Variants in PTPRD observed in about 807,000 individuals in gnomAD.
The protein encoded by PTPRD is receptor-type tyrosine-protein phosphatase delta.
A neutral mutation model predicts 214.5 loss-of-function variants in PTPRD; 34 were observed. The observed-to-expected ratio is 0.16, with a 90% CI of 0.12 to 0.21. The LOEUF (loss-of-function observed/expected upper bound fraction) is 0.21. Among genes scored for constraint, PTPRD ranks in the 10% least tolerant of loss-of-function variants. PTPRD has a pLI of 1.00. For missense variants in PTPRD, 2,545 were observed against 2,398.7 expected, an observed-to-expected ratio of 1.06 and a Z score of -1.27; for synonymous variants, 1,128 against 845.7, an observed-to-expected ratio of 1.33 and a Z score of -5.79.
At chr9:10,082,848 C>CAT (rs141037744) in intron 3 of PTPRD, among the ~76,000 whole-genome samples, 1 of 150,114 alleles carries the variant, frequency 6.7e-6, no homozygotes, top group African/African-American at 2.5e-5. Context: ...CAAACACACA[C>CAT]ACACACACAC....
At chr9:9,869,691 T>C (rs1431791356) in intron 5 of PTPRD, among the ~76,000 whole-genome samples, 1 of 151,938 alleles carries the variant, frequency 6.6e-6, no homozygotes, top group African/African-American at 2.4e-5. Context: ...ATGGTTTAAA[T>C]GTCATCAAGA....
chr9:10,094,539 C>CTTTTTTT (rs5896370), intron 3 of PTPRD, among the ~76,000 whole-genome samples: 3 of 121,152 alleles, frequency 2.5e-5, no homozygotes, highest in Non-Finnish European at 3.4e-5. Flanking sequence ...TTCTTTCTTT[C>CTTTTTTT]TTTTTTTTTT....
intron 11 of PTPRD, among the ~76,000 whole-genome samples, chr9:8,894,471 A>G (rs902446943): frequency 1.3e-5 from 2 of 151,902 alleles, no homozygotes; most frequent in Admixed American, 1.3e-4. Context: ...CATGATTTAT[A>G]TAAAAACAAA....
chr9:9,337,787 A>G (rs146170614), intron 9 of PTPRD, among the ~76,000 whole-genome samples: 4 of 152,304 alleles, frequency 2.6e-5, no homozygotes, highest in East Asian at 3.9e-4. Context: ...TGATAACTAT[A>G]TTATGAGTTA....
chr9:9,610,367 A>G (rs149651205), intron 7 of PTPRD, among the ~76,000 whole-genome samples: 3 of 152,354 alleles, frequency 2.0e-5, no homozygotes, highest in East Asian at 3.9e-4. Flanking sequence ...GAGTTATATT[A>G]TAAAGAGAAT....
At chr9:8,766,882 T>C (rs2094794776) in intron 11 of PTPRD, among the ~76,000 whole-genome samples, 1 of 152,224 alleles carries the variant, frequency 6.6e-6, no homozygotes, top group African/African-American at 2.4e-5. Context: ...CTCTTGTTTA[T>C]ATCAATTAGC....
chr9:9,475,555 G>A (rs1227194624), intron 8 of PTPRD, among the ~76,000 whole-genome samples: 4 of 152,058 alleles, frequency 2.6e-5, no homozygotes, highest in African/African-American at 9.7e-5. Context: ...AATGTCATCA[G>A]GACTCAAAAC....
At chr9:9,389,522 T>C (rs894879164) in intron 9 of PTPRD, among the ~76,000 whole-genome samples, 24 of 151,894 alleles carry the variant, frequency 1.6e-4, no homozygotes, top group Admixed American at 2.6e-4. Flanking sequence ...ATAATAATAA[T>C]AAAAAAACAT....
chr9:9,424,210 T>C (rs1317697947), intron 8 of PTPRD, among the ~76,000 whole-genome samples: 1 of 152,202 alleles, frequency 6.6e-6, no homozygotes, highest in Non-Finnish European at 1.5e-5. Context: ...CATCACAGTT[T>C]TACTTCTCTC....
intron 8 of PTPRD, among the ~76,000 whole-genome samples, chr9:9,426,808 A>G (rs751535675): frequency 1.9e-4 from 29 of 152,232 alleles, no homozygotes; most frequent in Non-Finnish European, 3.2e-4. Flanking sequence ...ACTGGAGTGG[A>G]CCTCCAGCAA....
chr9:8,346,009 TG>T (rs1485369493), intron 39 of PTPRD, among the ~76,000 whole-genome samples: 4 of 152,050 alleles, frequency 2.6e-5, no homozygotes, highest in Non-Finnish European at 4.4e-5. Context: ...TCAGCACAAG[TG>T]GAGATCTATA....
intron 7 of PTPRD, among the ~76,000 whole-genome samples, chr9:9,613,106 T>C (rs1235416763): frequency 1.6e-5 from 2 of 125,970 alleles, no homozygotes; most frequent in Non-Finnish European, 1.6e-5. Flanking sequence ...ACCATACATA[T>C]AATAGCTAGG....
At chr9:9,033,686 C>T (rs965464032) in intron 10 of PTPRD, among the ~76,000 whole-genome samples, 4 of 152,094 alleles carry the variant, frequency 2.6e-5, no homozygotes, top group Non-Finnish European at 5.9e-5. Context: ...CTCCCCTTCT[C>T]TTTCTCTGTC....
intron 2 of PTPRD, among the ~76,000 whole-genome samples, chr9:10,602,492 G>A (rs929601440): frequency 1.3e-5 from 2 of 151,738 alleles, no homozygotes; most frequent in Non-Finnish European, 2.9e-5. Flanking sequence ...ATTAAACCAT[G>A]AGTTATGTTG....
chr9:10,362,569 G>GTGA (rs113784370), intron 2 of PTPRD, among the ~76,000 whole-genome samples: 2 of 152,168 alleles, frequency 1.3e-5, no homozygotes, highest in African/African-American at 4.8e-5. Context: ...GCACAATCGA[G>GTGA]TGATAACAGC....
intron 5 of PTPRD, among the ~76,000 whole-genome samples, chr9:9,828,489 CG>C (rs1376243835): frequency 6.6e-6 from 1 of 151,814 alleles, no homozygotes; most frequent in Non-Finnish European, 1.5e-5. Context: ...CATCACACAC[CG>C]GGGTCTGTTG....
intron 2 of PTPRD, among the ~76,000 whole-genome samples, chr9:10,529,284 G>C (rs947123341): frequency 4.6e-5 from 7 of 151,974 alleles, no homozygotes; most frequent in African/African-American, 1.7e-4. Flanking sequence ...GTTTATTGTG[G>C]CACTGTTCAC....
chr9:9,606,021 C>G (rs7044621), intron 7 of PTPRD, among the ~76,000 whole-genome samples: 46,458 of 151,820 alleles, frequency 0.31, 7,473 homozygotes, highest in African/African-American at 0.34. Flanking sequence ...TGATACTACA[C>G]AAAATGCTTC....
At chr9:9,095,431 C>A (rs78566364) in intron 10 of PTPRD, among the ~76,000 whole-genome samples, 6,031 of 152,252 alleles carry the variant, frequency 0.04, 232 homozygotes, top group African/African-American at 0.098. Flanking sequence ...AAATGTATTT[C>A]AGTTGTTTCA....
Sources: allele counts gnomAD v4.1 joint callset (sites outside exome capture counted in the v4.1 genomes callset), GRCh38; gene constraint gnomAD v4.1.1; transcripts MANE v1.5; gene names NCBI Gene and HGNC (gene_info 2026-07-23, HGNC 2026-07-21).